The following ADGRD2 variants were observed in gnomAD, a reference collection of about 807,000 sequenced individuals.
The protein encoded by ADGRD2 is G protein-coupled receptor PGR24.
ADGRD2 carries 71 observed loss-of-function variants against 44.4 expected under a neutral mutation model. That is an observed-to-expected ratio of 1.60 (90% CI 1.32 to 1.95). The LOEUF (loss-of-function observed/expected upper bound fraction) is 1.95. Ranked by LOEUF, ADGRD2 falls within the 30% of genes most tolerant of loss-of-function variation. The pLI is 0.00. For missense variants in ADGRD2, 1,039 were observed against 512.4 expected, an observed-to-expected ratio of 2.03 and a Z score of -9.92; for synonymous variants, 481 against 224.8, an observed-to-expected ratio of 2.14 and a Z score of -10.19.
At chr9:124,453,127 A>G in exon 3 of ADGRD2, 3 of 701,606 alleles carry the variant, frequency 4.3e-6, no homozygotes, top group Non-Finnish European at 7.8e-6. Flanking sequence ...GGCAGCGCTG[A>G]CCGCGTGTAC....
chr9:124,463,499 G>T (rs1831756577), intron 10 of ADGRD2, among the ~76,000 whole-genome samples: 2 of 152,210 alleles, frequency 1.3e-5, no homozygotes, highest in Admixed American at 6.5e-5. Flanking sequence ...CATAAAATGA[G>T]TTGGGAAGAG....
intron 17 of ADGRD2, among the ~76,000 whole-genome samples, chr9:124,470,833 T>G (rs1478519447): frequency 6.6e-6 from 1 of 152,218 alleles, no homozygotes; most frequent in African/African-American, 2.4e-5. Context: ...ACGGGGCCCC[T>G]CTGCCAGCTG....
intron 17 of ADGRD2, 136 bp from the exon 21 acceptor site, chr9:124,475,310 G>A (rs1485413810): frequency 3.4e-5 from 20 of 590,812 alleles, no homozygotes; most frequent in East Asian, 1.2e-4. Flanking sequence ...GGCCGACTTC[G>A]TGCCCATCAG....
At chr9:124,470,507 C>A (rs1278049913) in exon 17 of ADGRD2, 1 of 711,030 alleles carries the variant, frequency 1.4e-6, no homozygotes, top group South Asian at 1.5e-5. Context: ...CACGGTGAAG[C>A]CCGTGCTGGT....
At chr9:124,477,880 G>A (rs1456860461) in intron 21 of ADGRD2, among the ~76,000 whole-genome samples, 4 of 152,020 alleles carry the variant, frequency 2.6e-5, no homozygotes, top group Admixed American at 2.6e-4. Context: ...TCAAGTGACG[G>A]CGCCTTTGTC....
intron 14 of ADGRD2, among the ~76,000 whole-genome samples, 183 bp from the exon 18 acceptor site, chr9:124,469,039 A>G (rs1831888677): frequency 6.6e-6 from 1 of 151,974 alleles, no homozygotes; most frequent in Non-Finnish European, 1.5e-5. Flanking sequence ...CCGACTCCCA[A>G]ACTACTGTGG....
At chr9:124,477,043 CCT>C (rs1463734636) in intron 21 of ADGRD2, 25 of 588,194 alleles carry the variant, frequency 4.3e-5, no homozygotes, top group Non-Finnish European at 7.9e-5. Context: ...CTGTCCTCCC[CCT>C]CTTTCTGCCC....
In ADGRD2 at chr9:124,454,955, C is replaced by G. The variant is rs760758381; in HGVS notation, c.1223C>G (p.Pro408Arg). The stretch of plus-strand genomic sequence containing the variant: ...GCGATGGAGATGGCTCCCCTGGGGC[C>G]GGCCGCACTGCTGGCTGTTGTCCGC... Residue 408 changes from proline to arginine, a missense_variant, in exon 6 of 22, where the codon CCG becomes CGG. Transcript: ENST00000334810. This position sits in a 1 kb window ranked among gnomAD's most constrained non-coding sequence, Gnocchi z 4.5. 3 of 717,776 alleles carry G rather than the reference C, an allele frequency of 4.2e-6. No homozygotes were observed. In the African/African-American group the frequency reaches 5.2e-5, roughly 13 times the overall value. 44.5% of individuals were successfully genotyped at this position (717,776 alleles called of 1,614,324 possible).
At chr9:124,470,441 G>A (rs1355530276) in intron 16 of ADGRD2, 53 bp from the exon 20 acceptor site, 11 of 689,294 alleles carry the variant, frequency 1.6e-5, no homozygotes, top group African/African-American at 3.5e-5. Context: ...GGAGCCCTGC[G>A]GGGAGCTCCC....
At chr9:124,452,199 T>G in intron 1 of ADGRD2, 45 bp downstream of exon 4, 1 of 680,212 alleles carries the variant, frequency 1.5e-6, no homozygotes, top group Non-Finnish European at 2.7e-6. Flanking sequence ...GTCCCCCAGC[T>G]AAGCAAGTCT....
exon 13 of ADGRD2, chr9:124,468,158 C>T (rs527851768): frequency 2.8e-6 from 2 of 718,564 alleles, no homozygotes; most frequent in African/African-American, 1.7e-5. Flanking sequence ...CGAGGGCTTC[C>T]TCATGACCAG....
chr9:124,457,347 C>T (rs1304446978), intron 7 of ADGRD2, 125 bp from the exon 11 acceptor site: 4 of 447,444 alleles, frequency 8.9e-6, no homozygotes, highest in African/African-American at 2.0e-5. Context: ...CTGAACCTCT[C>T]TGAGCAGGAA....
upstream of ADGRD2, chr9:124,451,112 T>C: frequency 2.1e-6 from 1 of 472,240 alleles, no homozygotes; most frequent in Non-Finnish European, 4.4e-6. Context: ...AGGGATGGCA[T>C]GGTCACAGGT....
upstream of ADGRD2, chr9:124,451,286 C>T (rs1256252873): frequency 8.6e-6 from 4 of 463,030 alleles, no homozygotes; most frequent in Non-Finnish European, 1.8e-5. Flanking sequence ...TGGACCTGAG[C>T]TTCCCCCACC....
chr9:124,477,056 C>T, intron 21 of ADGRD2: 1 of 563,992 alleles, frequency 1.8e-6, no homozygotes, highest in Non-Finnish European at 3.5e-6. Flanking sequence ...CTTTCTGCCC[C>T]CTAAGCCCAG....
chr9:124,473,041 G>A (rs1831982563), intron 17 of ADGRD2, among the ~76,000 whole-genome samples: 1 of 152,146 alleles, frequency 6.6e-6, no homozygotes, highest in African/African-American at 2.4e-5. Context: ...CCTCTCCCCA[G>A]GCCCGGCCTT....
chr9:124,469,324 C>T (rs1831897059), exon 15 of ADGRD2: 1 of 718,208 alleles, frequency 1.4e-6, no homozygotes, highest in Non-Finnish European at 2.6e-6. Context: ...GCCATCTGGG[C>T]CTTCGTGGGG....
intron 20 of ADGRD2, 43 bp downstream of exon 23, chr9:124,476,458 G>C (rs777262468): frequency 1.5e-6 from 1 of 685,980 alleles, no homozygotes; most frequent in South Asian, 1.5e-5. Context: ...TCTGCCAGGG[G>C]GCTGGCAAAG....
chr9:124,458,170 C>A (rs534551897), exon 9 of ADGRD2: 1 of 718,530 alleles, frequency 1.4e-6, no homozygotes, highest in Non-Finnish European at 2.6e-6. Context: ...TTCCAGCACA[C>A]CCTAGAGGGA....
Sources: gnomAD v4.1 joint callset for allele counts (sites outside exome capture counted in the v4.1 genomes callset) on GRCh38, gnomAD v4.1.1 for gene constraint, Gnocchi (gnomAD v3.1) non-coding constraint, MANE v1.5 for transcripts, NCBI Gene and HGNC (gene_info 2026-07-23, HGNC 2026-07-21) for gene names.